Variants in NCAM2 observed in about 807,000 individuals in gnomAD.
The protein encoded by NCAM2 is N-CAM-2.
Under a neutral mutation model 98.1 loss-of-function variants are expected in NCAM2, and 30 were observed. The ratio of observed to expected loss-of-function variants is 0.31; its 90% CI spans 0.23 to 0.41. The LOEUF (loss-of-function observed/expected upper bound fraction) is 0.41, where lower values mean the gene tolerates loss of function less well. Among genes scored for constraint, NCAM2 ranks in the 10% least tolerant of loss-of-function variants. The pLI is 1.00. For missense variants in NCAM2, 867 were observed against 1,005.8 expected, an observed-to-expected ratio of 0.86 and a Z score of 1.87; for synonymous variants, 368 against 342.4, an observed-to-expected ratio of 1.07 and a Z score of -0.83.
chr21:21,264,781 CATATATATATATTCCACTATATATAT>C lies in NCAM2; in HGVS notation c.56-15795_56-15770del, dbSNP rs2072072123. On this transcript the variant is annotated intron_variant, in intron 1 of 17. Transcript: ENST00000400546. ...ATATATATATTCCACTATATATATA[CATATATATATATTCCACTATATATAT>C]ACACACACGTATATATATTCCACTT... is the stretch of plus-strand genomic sequence containing the variant. 2.4e-5 allele frequency among the ~76,000 whole-genome samples: 3 copies of C among 124,432 alleles called. 1 individual carries two copies. Among genetic ancestry groups the C allele is most frequent in the South Asian group, 4.8e-4 (2 of 4,124 alleles). 81.6% of individuals were successfully genotyped at this position (124,432 alleles called of 152,430 possible).
At chr21:21,273,558 A>G (rs1246133058) in intron 1 of NCAM2, among the ~76,000 whole-genome samples, 1 of 152,122 alleles carries the variant, frequency 6.6e-6, no homozygotes, top group African/African-American at 2.4e-5. Context: ...ACTGAAAACT[A>G]TTATTGGGTT....
intron 5 of NCAM2, among the ~76,000 whole-genome samples, chr21:21,298,241 G>A (rs1321280130): frequency 1.3e-5 from 2 of 151,794 alleles, no homozygotes; most frequent in East Asian, 3.9e-4. Context: ...GCATATACAA[G>A]TATGAAAGAG....
At chr21:21,098,401 C>G (rs1465969887) in intron 1 of NCAM2, among the ~76,000 whole-genome samples, 1 of 151,660 alleles carries the variant, frequency 6.6e-6, no homozygotes, top group Non-Finnish European at 1.5e-5. Context: ...TTACGTGATG[C>G]AGTTTTTGTG....
chr21:21,515,503 T>C (rs1602539495), intron 16 of NCAM2, among the ~76,000 whole-genome samples: 2 of 152,200 alleles, frequency 1.3e-5, no homozygotes, highest in East Asian at 3.8e-4. Flanking sequence ...ATTTTAAACA[T>C]AATTATTTTT....
intron 1 of NCAM2, among the ~76,000 whole-genome samples, chr21:21,064,328 G>A (rs1446253248): frequency 2.0e-5 from 3 of 152,144 alleles, no homozygotes; most frequent in Admixed American, 1.3e-4. Flanking sequence ...CTTCATTCTG[G>A]CATTCATAAA....
chr21:21,530,651 T>C (rs1989642259), intron 16 of NCAM2, among the ~76,000 whole-genome samples: 1 of 151,772 alleles, frequency 6.6e-6, no homozygotes, highest in Non-Finnish European at 1.5e-5. Context: ...TGCAATAATG[T>C]TCCATTTCAG....
intron 1 of NCAM2, among the ~76,000 whole-genome samples, chr21:21,125,907 C>G (rs1366442451): frequency 6.6e-6 from 1 of 151,290 alleles, no homozygotes; most frequent in Admixed American, 6.6e-5. Flanking sequence ...GAAAGTTAAG[C>G]AAATAACTCA....
At chr21:21,242,162 A>AG (rs1029307884) in intron 1 of NCAM2, among the ~76,000 whole-genome samples, 1 of 151,408 alleles carries the variant, frequency 6.6e-6, no homozygotes, top group African/African-American at 2.4e-5. Context: ...CTAAAAAAGA[A>AG]ACCTCCCTAT....
At chr21:21,043,809 G>A (rs1391610404) in intron 1 of NCAM2, among the ~76,000 whole-genome samples, 12 of 143,134 alleles carry the variant, frequency 8.4e-5, no homozygotes, top group South Asian at 2.2e-4. Flanking sequence ...AGCCGAGTTC[G>A]TGCCACTGCA....
chr21:21,524,946 TAAATATTTTA>T (rs1989245048), intron 16 of NCAM2, among the ~76,000 whole-genome samples: 1 of 152,102 alleles, frequency 6.6e-6, no homozygotes, highest in South Asian at 2.1e-4. Flanking sequence ...AAGAAATTTT[TAAATATTTTA>T]AACTAAATGA....
At position 21,436,854 on chromosome 21, in the gene NCAM2, C is replaced by A. The variant is rs232404; in HGVS notation, c.1654+4573C>A. Among the ~76,000 whole-genome samples, 1,090 of 151,530 alleles carry A rather than the reference C, an allele frequency of 7.2e-3. 14 individuals carry two copies. The highest frequency in any genetic ancestry group is 0.024 in the African/African-American group (1,004 of 41,258). On this transcript the variant is annotated intron_variant, in intron 12 of 17. Transcript: ENST00000400546. ...TCAGCTCACTGCAACCTCCGCCTGC[C>A]GGGTTCAAGCGATTCTCGTGCCTCA...
intron 1 of NCAM2, among the ~76,000 whole-genome samples, chr21:21,036,933 T>C (rs2064812372): frequency 6.6e-6 from 1 of 152,224 alleles, no homozygotes; most frequent in South Asian, 2.1e-4. Flanking sequence ...TAGGTTTTTC[T>C]CTACAGAAGC....
At chr21:21,089,855 A>G (rs1458737832) in intron 1 of NCAM2, among the ~76,000 whole-genome samples, 2 of 152,228 alleles carry the variant, frequency 1.3e-5, no homozygotes. Context: ...TGCATGGAAC[A>G]GCAATTCCTG....
At chr21:21,284,516 C>T in intron 3 of NCAM2, 116 bp downstream of exon 3, 1 of 764,672 alleles carries the variant, frequency 1.3e-6, no homozygotes, top group South Asian at 1.8e-5. Context: ...AAATAAATAT[C>T]AGTTTATTTA....
chr21:21,404,438 C>T (rs1201426552), intron 9 of NCAM2, among the ~76,000 whole-genome samples: 1 of 152,104 alleles, frequency 6.6e-6, no homozygotes, highest in Non-Finnish European at 1.5e-5. Context: ...TTTTGCTTGG[C>T]TCTCATTCTG....
intron 12 of NCAM2, among the ~76,000 whole-genome samples, chr21:21,443,435 C>T (rs572466053): frequency 2.6e-4 from 39 of 147,962 alleles, no homozygotes; most frequent in African/African-American, 9.2e-4. Flanking sequence ...TTTTTTTTTT[C>T]TTTTTTCTTC....
chr21:21,156,828 A>G (rs995264462), intron 1 of NCAM2, among the ~76,000 whole-genome samples: 1 of 152,128 alleles, frequency 6.6e-6, no homozygotes, highest in East Asian at 1.9e-4. Flanking sequence ...ATCTCGCAAC[A>G]AAGACCATAT....
intron 16 of NCAM2, among the ~76,000 whole-genome samples, chr21:21,509,800 A>G (rs1278777278): frequency 1.3e-5 from 2 of 152,156 alleles, no homozygotes; most frequent in Non-Finnish European, 2.9e-5. Flanking sequence ...GTAGAATATG[A>G]TCAATGCAAA....
chr21:21,453,904 C>T (rs769184975), intron 12 of NCAM2, among the ~76,000 whole-genome samples: 6 of 152,004 alleles, frequency 3.9e-5, no homozygotes, highest in African/African-American at 9.6e-5. Context: ...TTTCTTTCTT[C>T]GGTATGGTGT....
Sources: gnomAD v4.1 joint callset for allele counts (sites outside exome capture counted in the v4.1 genomes callset) on GRCh38, gnomAD v4.1.1 for gene constraint, MANE v1.5 for transcripts, NCBI Gene and HGNC (gene_info 2026-07-23, HGNC 2026-07-21) for gene names.